ARHGEF1: variants seen among roughly 807,000 people sequenced by gnomAD.
ARHGEF1 encodes the protein 115 kDa guanine nucleotide exchange factor.
Under a neutral mutation model 119.7 loss-of-function variants are expected in ARHGEF1, and 40 were observed. The observed-to-expected ratio is 0.33, with a 90% confidence interval of 0.26 to 0.44. The LOEUF is 0.44. ARHGEF1 is among the 20% of genes least tolerant of loss of function. The probability of loss-of-function intolerance (pLI) is 1.00; values close to 1 mark genes in which losing one functional copy is unlikely to be tolerated. For missense variants in ARHGEF1, 976 were observed against 1,268.3 expected, an observed-to-expected ratio of 0.77 and a Z score of 3.50; for synonymous variants, 494 against 521.0, an observed-to-expected ratio of 0.95 and a Z score of 0.71.
upstream of ARHGEF1, among the ~76,000 whole-genome samples, chr19:41,919,170 A>G (rs1365758297): frequency 6.6e-6 from 1 of 151,950 alleles, no homozygotes; most frequent in African/African-American, 2.4e-5. Flanking sequence ...GCAGCTTACT[A>G]CTCTCAATAC....
chr19:41,908,588 G>C, downstream of ARHGEF1: 1 of 1,231,850 alleles, frequency 8.1e-7, no homozygotes, highest in Non-Finnish European at 1.0e-6. This position sits in a 1 kb window ranked among gnomAD's most constrained non-coding sequence, Gnocchi z 6.7. Context: ...AGGGGCCCGT[G>C]AGGTACGGGT....
chr19:41,926,702 G>GCGGC (rs1180159751), intron 1 of ARHGEF1, among the ~76,000 whole-genome samples: 1 of 150,670 alleles, frequency 6.6e-6, no homozygotes, highest in Non-Finnish European at 1.5e-5. Context: ...CTGGGCCGCG[G>GCGGC]CGGCCGGCCG....
intron 8 of ARHGEF1, among the ~76,000 whole-genome samples, chr19:41,893,914 G>C (rs2074426618): frequency 1.4e-5 from 2 of 139,562 alleles, no homozygotes; most frequent in Non-Finnish European, 3.1e-5. Context: ...TGGACTCCTG[G>C]GTCTGAGGGA....
chr19:41,904,942 C>T lies in ARHGEF1; in HGVS notation c.2162-7C>T. 1 of 1,613,028 alleles carries T rather than the reference C, an allele frequency of 6.2e-7. No homozygotes were observed. The highest frequency in any genetic ancestry group is 2.2e-5 in the East Asian group (1 of 44,872). ...GCTCTGAGCCCCATCTCCCCCTCTC[C>T]CTGCAGATCACAAAGCCTTCTACGT... is the stretch of plus-strand genomic sequence containing the variant. On this transcript the variant is annotated splice_polypyrimidine_tract_variant and splice_region_variant and intron_variant, in intron 22 of 28. Coordinates refer to ENST00000354532, the MANE Select transcript of ARHGEF1 (RefSeq NM_004706.4). The surrounding 1 kb of genome is among the most constrained non-coding windows in gnomAD (Gnocchi z 8.4).
At position 41,907,386 on chromosome 19, in the gene ARHGEF1, G is replaced by C. The variant is rs1207000544; in HGVS notation, c.*299G>C. 4.6e-5 allele frequency: 71 copies of C among 1,533,330 alleles called. No homozygotes were observed. Among genetic ancestry groups the C allele is most frequent in the Non-Finnish European group, 5.9e-5 (67 of 1,145,058 alleles). The allele number at this position is 1,533,330 out of a possible 1,614,324, so 95.0% of individuals were successfully genotyped here. On this transcript the variant is annotated 3_prime_UTR_variant, in exon 29 of 29. Coordinates refer to ENST00000354532, the MANE Select transcript of ARHGEF1 (RefSeq NM_004706.4). ...GCCACCCCTCCACCCCCACCCCCAAGTGCCTTCGCTCTGTTTTTATACCCT... is the reference window on the plus strand; with the variant it reads ...GCCACCCCTCCACCCCCACCCCCAACTGCCTTCGCTCTGTTTTTATACCCT...
At position 41,896,791 on chromosome 19, in the gene ARHGEF1, C is replaced by CCTCCTCTCTCACCTCCCCT. The variant is rs1370629092; in HGVS notation, c.1121+328_1121+346dup. The CCTCCTCTCTCACCTCCCCT allele has an allele frequency of 1.4e-4, 70 of 488,648 alleles. 1 individual carries two copies. The highest frequency in any genetic ancestry group is 1.1e-3 in the Middle Eastern group (2 of 1,878). 30.3% of individuals were successfully genotyped at this position (488,648 alleles called of 1,614,324 possible). On this transcript the variant is annotated intron_variant, in intron 13 of 28. Coordinates refer to ENST00000354532, the MANE Select transcript of ARHGEF1 (RefSeq NM_004706.4). ...ACTCCTTCCATCTCCTTTATTTCCC[C>CCTCCTCTCTCACCTCCCCT]CTCCTCTCTCACCTCCCCTCTCCTC...
Position 41,905,281 on chromosome 19 carries a change from G to A in ARHGEF1, c.2336+20G>A. On this transcript the variant is annotated intron_variant, in intron 24 of 28. Transcript: ENST00000354532. The surrounding 1 kb of genome is among the most constrained non-coding windows in gnomAD (Gnocchi z 6.4). The stretch of plus-strand genomic sequence containing the variant: ...GAGCAGGTGAGGGGGGCCATGGAGA[G>A]AGCTGGAGGTTCAGGGAGTGGGGCC... 6.2e-7 allele frequency: 1 copy of A among 1,600,840 alleles called. No individual in the cohort carries two copies. The highest frequency in any genetic ancestry group is 8.5e-7 in the Non-Finnish European group (1 of 1,173,716).
In ARHGEF1 at chr19:41,888,686, G is replaced by T; in HGVS notation, c.112-66G>T. 1.4e-6 allele frequency: 2 copies of T among 1,464,746 alleles called. No individual in the cohort carries two copies. The highest frequency in any genetic ancestry group is 1.2e-5 in the South Asian group (1 of 86,426). 90.7% of individuals were successfully genotyped at this position (1,464,746 alleles called of 1,614,324 possible). On this transcript the variant is annotated intron_variant, in intron 3 of 28. Transcript: ENST00000354532. This position sits in a 1 kb window ranked among gnomAD's most constrained non-coding sequence, Gnocchi z 5.1. ...GGATCCCTTGTGAAGTGCCAGGAAT[G>T]GGTAGGGTCAACCCTAAGGCCCCTC...
Position 41,884,513 on chromosome 19 carries a change from G to A in ARHGEF1, c.-20+1224G>A. The stretch of plus-strand genomic sequence containing the variant: ...GAGCAGGTGAGGGACGCGGTCCCCA[G>A]CGGGTGTCAGACCCTGACTCTGCAC... On this transcript the variant is annotated intron_variant, in intron 1 of 28. Coordinates refer to ENST00000354532, the MANE Select transcript of ARHGEF1 (RefSeq NM_004706.4). The A allele has an allele frequency of 1.2e-6, 2 of 1,605,920 alleles. 1 individual carries two copies.
chr19:41,923,268 G>T (rs2074852350), intron 1 of ARHGEF1: 1 of 437,046 alleles, frequency 2.3e-6, no homozygotes, highest in Admixed American at 2.5e-5. Context: ...TATTTGTACT[G>T]TCAGAGGACA....
downstream of ARHGEF1, among the ~76,000 whole-genome samples, chr19:41,910,275 A>C (rs538534538): frequency 1.9e-4 from 29 of 152,186 alleles, 1 homozygote; most frequent in Admixed American, 1.8e-3. This position sits in a 1 kb window ranked among gnomAD's most constrained non-coding sequence, Gnocchi z 4.4. Context: ...AAATTACCCA[A>C]ATAAGGGCAA....
At chr19:41,911,211 C>G (rs2074749584), downstream of ARHGEF1, among the ~76,000 whole-genome samples, 1 of 152,160 alleles carries the variant, frequency 6.6e-6, no homozygotes, top group Admixed American at 6.5e-5. Flanking sequence ...CACATACCCC[C>G]AGGAGCTGGG....
At chr19:41,909,763 TG>T (rs2074741998), downstream of ARHGEF1, 1 of 1,322,776 alleles carries the variant, frequency 7.6e-7, no homozygotes, top group African/African-American at 1.5e-5. This position sits in a 1 kb window ranked among gnomAD's most constrained non-coding sequence, Gnocchi z 5.2. Context: ...CTGTGCCTTG[TG>T]GGATCCAGCA....
rs1020557914 is a variant in ARHGEF1, at chr19:41,898,362, G to C, written c.1122-80G>C. The C allele has an allele frequency of 2.6e-6, 4 of 1,543,670 alleles. No homozygotes were observed. The Admixed American group carries it at 5.9e-5, about 23-fold the overall frequency. ...GCATCGAATGCCAAGGCCACTGACC[G>C]GGGTTGAACGCTCTAAGAGGCTGAA... On this transcript the variant is annotated intron_variant, in intron 13 of 28. Transcript: ENST00000354532.
At chr19:41,922,611 G>A (rs782163901), upstream of ARHGEF1, among the ~76,000 whole-genome samples, 8 of 152,244 alleles carry the variant, frequency 5.3e-5, no homozygotes, top group South Asian at 2.1e-4. Flanking sequence ...TCCGAGGGAC[G>A]AGGGACCAGA....
At position 41,904,294 on chromosome 19, in the gene ARHGEF1, G is replaced by A; in HGVS notation, c.2072G>A (p.Ser691Asn). The A allele has an allele frequency of 6.2e-7, 1 of 1,611,900 alleles. No individual in the cohort carries two copies. Among genetic ancestry groups the A allele is most frequent in the East Asian group, 2.2e-5 (1 of 44,852 alleles). Residue 691 changes from serine to asparagine, a missense_variant, in exon 22 of 29, where the codon AGC (serine) becomes AAC (asparagine). This residue lies in a region of ARHGEF1 where 286 missense variants were observed against 506.8 expected (regional missense o/e 0.56). Coordinates refer to ENST00000354532, the MANE Select transcript of ARHGEF1 (RefSeq NM_004706.4). This position sits in a 1 kb window ranked among gnomAD's most constrained non-coding sequence, Gnocchi z 8.4. The stretch of plus-strand genomic sequence containing the variant: ...GAGCGGCTGCTGCTCAAGTCCCATA[G>A]CCGGACACTGACGCCCACGCCCGAT... ...QDERLLLKSH[S>N]RTLTPTPDGK...
downstream of ARHGEF1, chr19:41,910,200 G>A (rs2074744338): frequency 8.7e-7 from 1 of 1,143,646 alleles, no homozygotes; most frequent in Non-Finnish European, 1.2e-6. The surrounding 1 kb of genome is among the most constrained non-coding windows in gnomAD (Gnocchi z 4.4). Context: ...TTCTCCTCCA[G>A]TCTCAGGCAT....
Position 41,907,368 on chromosome 19 carries a change from C to G in ARHGEF1, c.*281C>G. ...TCAGTATTGCCTGTGGGGGCCACCC[C>G]TCCACCCCCACCCCCAAGTGCCTTC... On this transcript the variant is annotated 3_prime_UTR_variant, in exon 29 of 29. Coordinates refer to ENST00000354532, the MANE Select transcript of ARHGEF1 (RefSeq NM_004706.4). The G allele has an allele frequency of 1.3e-6, 2 of 1,535,096 alleles. No homozygotes were observed. The highest frequency in any genetic ancestry group is 8.7e-7 in the Non-Finnish European group (1 of 1,146,550).
In ARHGEF1 at chr19:41,898,487, G is replaced by T. The variant is rs1046713474; in HGVS notation, c.1167G>T (p.Glu389Asp). Residue 389 changes from glutamate (E) to aspartate (D), a missense_variant, in exon 14 of 29, where the codon GAG becomes GAT. Physicochemically the swap from Glu to Asp is conservative, Grantham distance 45 (BLOSUM62 2). Coordinates refer to ENST00000354532, the MANE Select transcript of ARHGEF1 (RefSeq NM_004706.4). ...GGGAGCCGGGGCGGTCGGGACTGGA[G>T]CTTGAACCAGAAGAGCCTCCCGGCT... is the stretch of plus-strand genomic sequence containing the variant. The part of the protein sequence containing the change: ...DEGEPGRSGL[E>D]LEPEEPPGWR... 3 of 1,552,042 alleles carry T rather than the reference G, an allele frequency of 1.9e-6. No homozygotes were observed. The highest frequency in any genetic ancestry group is 2.6e-6 in the Non-Finnish European group (3 of 1,147,736).
Sources: gnomAD v4.1 joint callset for allele counts (sites outside exome capture counted in the v4.1 genomes callset) on GRCh38, gnomAD v4.1.1 for gene constraint, gnomAD v4.1.1 regional missense constraint, Gnocchi (gnomAD v3.1) non-coding constraint, MANE v1.5 for transcripts, NCBI Gene and HGNC (gene_info 2026-07-23, HGNC 2026-07-21) for gene names.